Variants in SORCS3 observed in about 807,000 individuals in gnomAD.
SORCS3 encodes VPS10 domain-containing receptor SorCS3.
A neutral mutation model predicts 146.3 loss-of-function variants in SORCS3; 57 were observed. The ratio of observed to expected loss-of-function variants is 0.39; its 90% confidence interval spans 0.31 to 0.49. The LOEUF (loss-of-function observed/expected upper bound fraction) is 0.49, where lower values mean the gene tolerates loss of function less well. Among genes scored for constraint, SORCS3 ranks in the 20% least tolerant of loss-of-function variants. The pLI is 0.92. For synonymous variants in SORCS3, 653 were observed against 618.5 expected, an observed-to-expected ratio of 1.06 and a Z score of -0.83; for missense variants, 1,341 against 1,575.5, an observed-to-expected ratio of 0.85 and a Z score of 2.52.
chr10:105,060,954 A>C (rs146579661), intron 5 of SORCS3, among the ~76,000 whole-genome samples: 1 of 149,678 alleles, frequency 6.7e-6, no homozygotes, highest in Non-Finnish European at 1.5e-5. Flanking sequence ...AAAAAAAAAA[A>C]CAAACAAAAA....
chr10:104,727,969 C>G (rs1180539678), intron 1 of SORCS3, among the ~76,000 whole-genome samples: 1 of 152,096 alleles, frequency 6.6e-6, no homozygotes, highest in Non-Finnish European at 1.5e-5. Flanking sequence ...TTCCACAAAA[C>G]CGGTCCCTGG....
intron 7 of SORCS3, among the ~76,000 whole-genome samples, chr10:105,117,558 T>C (rs1189317018): frequency 6.6e-6 from 1 of 152,142 alleles, no homozygotes; most frequent in Non-Finnish European, 1.5e-5. Flanking sequence ...TGTTAGACTT[T>C]CCATCAATAT....
At chr10:104,925,095 T>C (rs2019128456) in intron 3 of SORCS3, among the ~76,000 whole-genome samples, 1 of 152,136 alleles carries the variant, frequency 6.6e-6, no homozygotes, top group Non-Finnish European at 1.5e-5. Context: ...GTGTGTGATG[T>C]TCCCCTCCCT....
At chr10:105,072,775 A>G (rs2055565861) in intron 5 of SORCS3, among the ~76,000 whole-genome samples, 1 of 147,534 alleles carries the variant, frequency 6.8e-6, no homozygotes, top group Non-Finnish European at 1.5e-5. Context: ...TGATGTGTCT[A>G]CAGCAGGATT....
intron 1 of SORCS3, among the ~76,000 whole-genome samples, chr10:104,695,991 TAC>T (rs1280111717): frequency 7.8e-5 from 10 of 127,936 alleles, no homozygotes; most frequent in African/African-American, 2.1e-4. Flanking sequence ...ATGTATTATA[TAC>T]ACACATATAA....
At chr10:104,899,470 T>G (rs948742350) in intron 2 of SORCS3, among the ~76,000 whole-genome samples, 1 of 152,168 alleles carries the variant, frequency 6.6e-6, no homozygotes, top group Non-Finnish European at 1.5e-5. Flanking sequence ...CCATGCCAAG[T>G]TTTCCCACCT....
At position 104,857,745 on chromosome 10, in the gene SORCS3, A is replaced by G. The variant is rs2018351184; in HGVS notation, c.695+14886A>G. ...CTTACATGGTGAGGGGCTATGAGGT[A>G]CCAGGCTTTACTGGCTTACTGTACC... On this transcript the variant is annotated intron_variant, in intron 2 of 26. Transcript: ENST00000369701. Among the ~76,000 whole-genome samples the G allele has an allele frequency of 2.0e-5, 3 of 152,118 alleles. No individual in the cohort carries two copies. The South Asian group carries it at 6.2e-4, about 32-fold the overall frequency.
chr10:104,743,729 T>C (rs943173529), intron 1 of SORCS3, among the ~76,000 whole-genome samples: 2 of 152,098 alleles, frequency 1.3e-5, no homozygotes, highest in African/African-American at 4.8e-5. Flanking sequence ...CTAAGCCCCC[T>C]GTGAACCTGT....
intron 1 of SORCS3, among the ~76,000 whole-genome samples, chr10:104,800,315 A>G (rs972444834): frequency 1.3e-5 from 2 of 152,226 alleles, no homozygotes; most frequent in Non-Finnish European, 2.9e-5. Flanking sequence ...TCTATGGTTA[A>G]CAGTAGTTAG....
intron 4 of SORCS3, among the ~76,000 whole-genome samples, chr10:104,985,910 A>G (rs1039662780): frequency 6.6e-6 from 1 of 152,202 alleles, no homozygotes; most frequent in African/African-American, 2.4e-5. Flanking sequence ...GTCCATTTAT[A>G]GAGCACAGGC....
At chr10:105,070,642 C>A (rs1355452026) in intron 5 of SORCS3, among the ~76,000 whole-genome samples, 2 of 152,266 alleles carry the variant, frequency 1.3e-5, no homozygotes, top group Admixed American at 6.5e-5. Context: ...AATCACAGGA[C>A]CCTCCCTTGA....
At chr10:105,019,898 G>T (rs1345526508) in intron 4 of SORCS3, among the ~76,000 whole-genome samples, 1 of 152,270 alleles carries the variant, frequency 6.6e-6, no homozygotes, top group East Asian at 1.9e-4. Context: ...TGTTGCAGGG[G>T]CTCATTTTTC....
At chr10:104,708,291 G>A (rs1361542400) in intron 1 of SORCS3, among the ~76,000 whole-genome samples, 2 of 152,216 alleles carry the variant, frequency 1.3e-5, no homozygotes, top group Admixed American at 6.5e-5. Context: ...ACCCACAGCT[G>A]TGAATGAATA....
chr10:105,170,004 T>C (rs1202199889), intron 13 of SORCS3, among the ~76,000 whole-genome samples: 1 of 152,176 alleles, frequency 6.6e-6, no homozygotes, highest in Non-Finnish European at 1.5e-5. Context: ...GGACCTAGCA[T>C]GCACTTAATC....
chr10:105,037,974 A>G (rs745441633), intron 4 of SORCS3, among the ~76,000 whole-genome samples: 1 of 152,228 alleles, frequency 6.6e-6, no homozygotes, highest in African/African-American at 2.4e-5. Context: ...GGGAACTAAT[A>G]ACGGAATCAA....
chr10:105,008,239 C>G (rs1415284456), intron 4 of SORCS3, among the ~76,000 whole-genome samples: 2 of 152,134 alleles, frequency 1.3e-5, no homozygotes, highest in African/African-American at 2.4e-5. Context: ...CAATAGTGAA[C>G]AAGACACCTT....
intron 4 of SORCS3, among the ~76,000 whole-genome samples, chr10:105,019,653 C>G (rs1196238220): frequency 6.6e-6 from 1 of 152,184 alleles, no homozygotes; most frequent in East Asian, 1.9e-4. Flanking sequence ...GGCTATTTAT[C>G]AAGTGTCTCC....
chr10:105,169,839 C>T (rs753719907), intron 13 of SORCS3, among the ~76,000 whole-genome samples: 15 of 152,042 alleles, frequency 9.9e-5, no homozygotes, highest in African/African-American at 3.6e-4. Context: ...TCTTAGCTCC[C>T]ATCATGTTAA....
At chr10:104,765,969 G>A (rs1288165384) in intron 1 of SORCS3, among the ~76,000 whole-genome samples, 1 of 152,114 alleles carries the variant, frequency 6.6e-6, no homozygotes, top group Non-Finnish European at 1.5e-5. Flanking sequence ...GGAACATCTT[G>A]GTATCCACAG....
Sources: gnomAD v4.1 joint callset for allele counts (sites outside exome capture counted in the v4.1 genomes callset) on GRCh38, gnomAD v4.1.1 for gene constraint, MANE v1.5 for transcripts, NCBI Gene and HGNC (gene_info 2026-07-23, HGNC 2026-07-21) for gene names.